CHD6: variants seen among roughly 807,000 people sequenced by gnomAD.
CHD6 encodes the protein chromodomain helicase DNA binding protein 6, also known as ATP-dependent chromatin remodeler CHD6.
In CHD6, 50 loss-of-function variants were observed where a neutral mutation model predicts 276.9. That is an observed-to-expected ratio of 0.18 (90% CI 0.14 to 0.23). The LOEUF is 0.23. CHD6 is among the 10% of genes least tolerant of loss of function. The pLI is 1.00. For missense variants in CHD6, 2,564 were observed against 3,365.8 expected, an observed-to-expected ratio of 0.76 and a Z score of 5.89; for synonymous variants, 1,173 against 1,229.3, an observed-to-expected ratio of 0.95 and a Z score of 0.96.
chr20:41,488,222 C>A (rs1331662636), intron 13 of CHD6, among the ~76,000 whole-genome samples: 1 of 152,158 alleles, frequency 6.6e-6, no homozygotes, highest in East Asian at 1.9e-4. Flanking sequence ...CTATGGAAAT[C>A]AATCTGTGGC....
chr20:41,437,361 C>T (rs746943137), intron 26 of CHD6, 27 bp from the exon 27 acceptor site: 1 of 1,556,182 alleles, frequency 6.4e-7, no homozygotes. Flanking sequence ...AAAGGCATCA[C>T]ATACTACCTA....
intron 22 of CHD6, 41 bp downstream of exon 22, chr20:41,451,785 T>C (rs753385250): frequency 1.3e-5 from 20 of 1,565,328 alleles, no homozygotes; most frequent in South Asian, 3.3e-5. Context: ...ATGAAGTGCA[T>C]GGGAATCGTG....
chr20:41,520,145 G>A (rs1455457011), intron 3 of CHD6, among the ~76,000 whole-genome samples: 1 of 152,178 alleles, frequency 6.6e-6, no homozygotes, highest in Non-Finnish European at 1.5e-5. Flanking sequence ...CAGTTAGAAT[G>A]GTGATCATTA....
chr20:41,460,101 CCT>C (rs1394679205), intron 17 of CHD6, among the ~76,000 whole-genome samples: 2 of 152,162 alleles, frequency 1.3e-5, no homozygotes, highest in Non-Finnish European at 2.9e-5. Flanking sequence ...GGCATTTGCC[CCT>C]GCCCTCGAGA....
At chr20:41,502,130 T>C (rs1283781491) in intron 5 of CHD6, among the ~76,000 whole-genome samples, 1 of 152,220 alleles carries the variant, frequency 6.6e-6, no homozygotes, top group Non-Finnish European at 1.5e-5. Flanking sequence ...ATATAATCCA[T>C]TTTATCAATC....
rs374342008 is a variant in CHD6 at position 41,416,790 on chromosome 20, C to T, written c.6284G>A (p.Arg2095His). The T allele has an allele frequency of 6.0e-5, 93 of 1,558,062 alleles. 1 individual carries two copies. In the African/African-American group the frequency reaches 6.4e-4, roughly 11 times the overall value. Residue 2095 changes from arginine to histidine, a missense_variant, in exon 33 of 37, where the codon CGC becomes CAC. Transcript: ENST00000373233. ...LYSFSEWPKDRVIINRLDNIC... is the reference protein window; with the variant it reads ...LYSFSEWPKDHVIINRLDNIC... ...ATTATCTAGGCGGTTAATTATCACG[C>T]GGTCCTAGAAAAAAGGATAAAGCTC...
rs1234846018 is a variant in CHD6, at chr20:41,421,206, A to G, written c.5429T>C (p.Leu1810Ser). The change falls in exon 31 of 37, where the codon TTA becomes TCA. Residue 1810 changes from leucine to serine, a missense_variant. By Grantham distance (145) the Leu-to-Ser change is moderately radical. Around this residue, in one of 7 missense-constraint regions of CHD6, gnomAD observed 1,024 missense variants for 1,047.9 expected, o/e 0.98. Coordinates refer to ENST00000373233, the MANE Select transcript of CHD6 (RefSeq NM_032221.5). ...TCCTGGATTCAAGGAAGGGGAAGCTAAACACTTGGCTTCCAGCTGGCCAAT... is the reference window on the plus strand; with the variant it reads ...TCCTGGATTCAAGGAAGGGGAAGCTGAACACTTGGCTTCCAGCTGGCCAAT... ...ENIGQLEAKC[L>S]ASPSLNPGNE... 12 of 1,613,588 alleles carry G rather than the reference A, an allele frequency of 7.4e-6. No homozygotes were observed. Among genetic ancestry groups the G allele is most frequent in the Non-Finnish European group, 1.0e-5 (12 of 1,179,852 alleles).
At chr20:41,606,236 G>A (rs753609615) in intron 1 of CHD6, among the ~76,000 whole-genome samples, 1 of 151,996 alleles carries the variant, frequency 6.6e-6, no homozygotes, top group Non-Finnish European at 1.5e-5. Flanking sequence ...AACTGGCCAG[G>A]TGTGGTAGCT....
In CHD6 at chr20:41,445,100, A is replaced by T. The variant is rs370706819; in HGVS notation, c.3877+565T>A. Among the ~76,000 whole-genome samples the T allele has an allele frequency of 5.9e-5, 9 of 152,324 alleles. No homozygotes were observed. The East Asian group carries it at 9.6e-4, about 16-fold the overall frequency. ...ACTGCCAGAGGTGAAGAAAGGGAGC[A>T]CTTACTTCAGTTTTTCCAAGTGTTT... On this transcript the variant is annotated intron_variant, in intron 25 of 36. Transcript: ENST00000373233.
intron 1 of CHD6, among the ~76,000 whole-genome samples, chr20:41,580,144 C>T (rs1033254552): frequency 2.6e-5 from 4 of 152,116 alleles, no homozygotes; most frequent in African/African-American, 7.2e-5. Flanking sequence ...TGGCACTGTT[C>T]GAATGCTATA....
intron 1 of CHD6, among the ~76,000 whole-genome samples, chr20:41,590,311 C>T (rs1243873432): frequency 6.6e-6 from 1 of 152,178 alleles, no homozygotes; most frequent in Non-Finnish European, 1.5e-5. Flanking sequence ...TGGGCAAGAA[C>T]TTCATGTCTA....
chr20:41,546,270 T>C (rs189650222), intron 2 of CHD6, among the ~76,000 whole-genome samples: 9 of 152,296 alleles, frequency 5.9e-5, no homozygotes, highest in African/African-American at 2.2e-4. Context: ...ACTCTTCCCA[T>C]CTTTATGTTT....
chr20:41,549,610 T>C (rs1374281091), intron 2 of CHD6, among the ~76,000 whole-genome samples: 1 of 149,908 alleles, frequency 6.7e-6, no homozygotes. Flanking sequence ...AACCTGCACA[T>C]TGTGCACATG....
intron 1 of CHD6, among the ~76,000 whole-genome samples, chr20:41,557,721 G>C (rs943013488): frequency 6.6e-6 from 1 of 152,170 alleles, no homozygotes; most frequent in South Asian, 2.1e-4. Flanking sequence ...CACAGAAGAT[G>C]AGAGTAGACT....
At chr20:41,439,095 C>T (rs555591367) in intron 26 of CHD6, among the ~76,000 whole-genome samples, 32 of 152,242 alleles carry the variant, frequency 2.1e-4, no homozygotes, top group African/African-American at 6.5e-4. Flanking sequence ...TGGTGGCTCA[C>T]GCCTGTAATC....
At chr20:41,530,795 G>T (rs568602288) in intron 3 of CHD6, among the ~76,000 whole-genome samples, 1 of 152,292 alleles carries the variant, frequency 6.6e-6, no homozygotes, top group South Asian at 2.1e-4. Flanking sequence ...CATGTAACTT[G>T]TCCACATTTT....
chr20:41,578,273 G>A (rs975331092), intron 1 of CHD6, among the ~76,000 whole-genome samples: 3 of 151,844 alleles, frequency 2.0e-5, no homozygotes, highest in African/African-American at 7.3e-5. Flanking sequence ...AAAACAAATA[G>A]AGGAGCACTT....
intron 36 of CHD6, among the ~76,000 whole-genome samples, chr20:41,410,190 C>A (rs1053472758): frequency 1.3e-5 from 2 of 152,120 alleles, no homozygotes; most frequent in South Asian, 2.1e-4. Context: ...ATATCCTGTG[C>A]CCCAAGGTGA....
chr20:41,497,122 T>G lies in CHD6; in HGVS notation c.1092+262A>C, dbSNP rs1292581812. 1.3e-5 allele frequency: 5 copies of G among 397,924 alleles called. No homozygotes were observed. The East Asian group carries it at 2.4e-4, about 19-fold the overall frequency. The allele number at this position is 397,924 out of a possible 1,614,324, so 24.6% of individuals were successfully genotyped here. A position where few individuals can be genotyped will look rare whatever the true frequency, so the allele number is the denominator to read the frequency against. On this transcript the variant is annotated intron_variant, in intron 8 of 36. Coordinates refer to ENST00000373233, the MANE Select transcript of CHD6 (RefSeq NM_032221.5). ...CAAAAGAATTGTGTGCGTATTCCTC[T>G]CACTCTAGCTATTTATTAGTATTCA...
Sources: allele counts gnomAD v4.1 joint callset (sites outside exome capture counted in the v4.1 genomes callset), GRCh38; gene constraint gnomAD v4.1.1; regional missense constraint gnomAD v4.1.1; transcripts MANE v1.5; gene names NCBI Gene and HGNC (gene_info 2026-07-23, HGNC 2026-07-21).